Variants in KCNK17 observed in about 807,000 individuals in gnomAD.
KCNK17 encodes potassium channel subfamily K member 17.
Under a neutral mutation model 24.6 loss-of-function variants are expected in KCNK17, and 27 were observed. That is an observed-to-expected ratio of 1.10 (90% confidence interval 0.81 to 1.51). The LOEUF (loss-of-function observed/expected upper bound fraction) is 1.51, where lower values mean the gene tolerates loss of function less well. Among genes scored for constraint, KCNK17 ranks in the 40% most tolerant of loss-of-function variants. The pLI, the probability that KCNK17 is intolerant of heterozygous loss-of-function variation, is 0.00. For synonymous variants in KCNK17, 181 were observed against 189.8 expected, an observed-to-expected ratio of 0.95 and a Z score of 0.38; for missense variants, 450 against 436.6, an observed-to-expected ratio of 1.03 and a Z score of -0.27.
intron 2 of KCNK17, among the ~76,000 whole-genome samples, chr6:39,306,882 A>G (rs527284375): frequency 6.7e-6 from 1 of 149,932 alleles, no homozygotes; most frequent in African/African-American, 2.5e-5. Flanking sequence ...ATCCTGCCTC[A>G]GCCTCCCGAG....
At chr6:39,310,658 A>G (rs1447624169) in intron 2 of KCNK17, among the ~76,000 whole-genome samples, 2 of 152,124 alleles carry the variant, frequency 1.3e-5, no homozygotes, top group African/African-American at 4.8e-5. Context: ...GTGCTTGTCA[A>G]ACTCGAACAG....
At chr6:39,309,923 G>A (rs960413458) in intron 2 of KCNK17, among the ~76,000 whole-genome samples, 1 of 152,182 alleles carries the variant, frequency 6.6e-6, no homozygotes, top group African/African-American at 2.4e-5. Flanking sequence ...CTCAAGGATT[G>A]CCCAAGCTCC....
In KCNK17 at chr6:39,311,113, CACACACAA is replaced by C. The variant is rs1192824486; in HGVS notation, c.238-114_238-107del. Reference sequence around the variant, plus strand: ...ACACACACACACACACACACACACACACACACAAACAAACCTACACACACAGCCCTCAC... The same window carrying C: ...ACACACACACACACACACACACACACACAAACCTACACACACAGCCCTCAC... On this transcript the variant is annotated intron_variant, in intron 1 of 4. Coordinates refer to ENST00000373231, the MANE Select transcript of KCNK17 (RefSeq NM_031460.4). The C allele has an allele frequency of 4.4e-3, 2,389 of 542,334 alleles. 57 individuals are homozygous for C. In the African/African-American group the frequency reaches 0.052, roughly 12 times the overall value. 33.6% of individuals were successfully genotyped at this position (542,334 alleles called of 1,614,324 possible).
chr6:39,314,021 C>T (rs1213496451), intron 1 of KCNK17, 63 bp downstream of exon 1: 2 of 1,311,622 alleles, frequency 1.5e-6, no homozygotes, highest in East Asian at 2.7e-5. Flanking sequence ...GCCCTCGGCC[C>T]GTACACCCCG....
intron 4 of KCNK17, among the ~76,000 whole-genome samples, chr6:39,301,716 G>A (rs1315497301): frequency 6.6e-6 from 1 of 152,272 alleles, no homozygotes; most frequent in Non-Finnish European, 1.5e-5. Context: ...GGAGGCGCCA[G>A]GCTATGGGGC....
Position 39,314,305 on chromosome 6 carries a change from C to G in KCNK17, c.16G>C (p.Ala6Pro). 1 of 1,459,696 alleles carries G rather than the reference C, an allele frequency of 6.9e-7. No homozygotes were observed. The highest frequency in any genetic ancestry group is 9.0e-7 in the Non-Finnish European group (1 of 1,109,818). 90.4% of individuals were successfully genotyped at this position (1,459,696 alleles called of 1,614,324 possible). Reference sequence around the variant, plus strand: ...ACCCTGCCCTCGGGAGCCGCCCGGGCTCGCGGTCGGTACATAGCGGGAGAG... The same window carrying G: ...ACCCTGCCCTCGGGAGCCGCCCGGGGTCGCGGTCGGTACATAGCGGGAGAG... MYRPR[A>P]RAAPEGRVRG... is the part of the protein sequence containing the mutation. The change falls in exon 1 of 5, where the codon GCC becomes CCC. Residue 6 changes from alanine to proline, a missense_variant. Physicochemically the swap from Ala to Pro is conservative, Grantham distance 27. Coordinates refer to ENST00000373231, the MANE Select transcript of KCNK17 (RefSeq NM_031460.4).
rs891950807 is a variant in KCNK17, at chr6:39,314,397, C to T, written c.-77G>A. 5.6e-6 allele frequency: 6 copies of T among 1,067,104 alleles called. No homozygotes were observed. Among genetic ancestry groups the T allele is most frequent in the Non-Finnish European group, 5.1e-6 (4 of 785,738 alleles). 66.1% of individuals were successfully genotyped at this position (1,067,104 alleles called of 1,614,324 possible). On this transcript the variant is annotated 5_prime_UTR_variant, in exon 1 of 5. Coordinates refer to ENST00000373231, the MANE Select transcript of KCNK17 (RefSeq NM_031460.4). ...GGAGGGAAGGGCCAGGCGTCCAGCT[C>T]GTATCTCCTCTCGCAAACGCCTGCT...
intron 4 of KCNK17, among the ~76,000 whole-genome samples, chr6:39,303,647 G>A (rs1761981247): frequency 6.6e-6 from 1 of 152,186 alleles, no homozygotes; most frequent in Non-Finnish European, 1.5e-5. Flanking sequence ...GGGAGAGAGT[G>A]AAGTGGGGAA....
Position 39,311,117 on chromosome 6 carries a change from C to T in KCNK17, c.238-110G>A, listed in dbSNP as rs540381677. The T allele has an allele frequency of 5.8e-5, 31 of 534,946 alleles. 1 individual carries two copies. The South Asian group carries it at 6.9e-4, about 12-fold the overall frequency. The allele number at this position is 534,946 out of a possible 1,614,324, so 33.1% of individuals were successfully genotyped here. On this transcript the variant is annotated intron_variant, in intron 1 of 4. Coordinates refer to ENST00000373231, the MANE Select transcript of KCNK17 (RefSeq NM_031460.4). ...ACACACACACACACACACACACACA[C>T]ACAAACAAACCTACACACACAGCCC...
intron 1 of KCNK17, among the ~76,000 whole-genome samples, chr6:39,311,568 T>C (rs150282196): frequency 2.0e-4 from 30 of 152,368 alleles, no homozygotes; most frequent in African/African-American, 6.7e-4. Flanking sequence ...AAATAGTACC[T>C]ACTTCATAGA....
intron 4 of KCNK17, among the ~76,000 whole-genome samples, chr6:39,303,137 C>T (rs1448889714): frequency 6.6e-6 from 1 of 152,214 alleles, no homozygotes; most frequent in Non-Finnish European, 1.5e-5. Context: ...GAGGAGTTAG[C>T]TGAAACTAAC....
intron 4 of KCNK17, among the ~76,000 whole-genome samples, chr6:39,303,063 C>A (rs557272672): frequency 6.2e-4 from 94 of 152,324 alleles, no homozygotes; most frequent in Middle Eastern, 6.8e-3. Flanking sequence ...GATGGCTCAG[C>A]CTCTCTGAGC....
intron 4 of KCNK17, among the ~76,000 whole-genome samples, chr6:39,302,684 T>G (rs1029823450): frequency 6.6e-6 from 1 of 152,070 alleles, no homozygotes; most frequent in African/African-American, 2.4e-5. Context: ...GCTGCGAGGG[T>G]GCAGGTATGG....
chr6:39,312,029 C>T (rs1762149333), intron 1 of KCNK17, among the ~76,000 whole-genome samples: 1 of 152,162 alleles, frequency 6.6e-6, no homozygotes, highest in Admixed American at 6.5e-5. Flanking sequence ...AGGGGAGAGA[C>T]TCCTGCAGAA....
chr6:39,303,274 G>T (rs190333641), intron 4 of KCNK17, among the ~76,000 whole-genome samples: 101 of 152,328 alleles, frequency 6.6e-4, no homozygotes, highest in African/African-American at 2.2e-3. Flanking sequence ...AGTGGTGCCA[G>T]CGGCACCTTC....
At chr6:39,301,079 G>C (rs1230559141) in intron 4 of KCNK17, among the ~76,000 whole-genome samples, 1 of 152,206 alleles carries the variant, frequency 6.6e-6, no homozygotes, top group East Asian at 1.9e-4. Flanking sequence ...AGATCTATAG[G>C]TGGTTGCTTG....
Position 39,301,538 on chromosome 6 carries a change from C to T in KCNK17, c.689-1801G>A, listed in dbSNP as rs144269589. The stretch of plus-strand genomic sequence containing the variant: ...GCTGATGGTCCTAAATGAGATCAGG[C>T]ACTGAGCCGGCTCTCTGGCCCTGCC... On this transcript the variant is annotated intron_variant, in intron 4 of 4. Transcript: ENST00000373231. Among the ~76,000 whole-genome samples, 160 of 152,384 alleles carry T rather than the reference C, an allele frequency of 1.0e-3. 1 individual carries two copies. In the East Asian group the frequency reaches 0.028, roughly 27 times the overall value.
In KCNK17 at chr6:39,314,312, T is replaced by C; in HGVS notation, c.9A>G (p.Arg3=). The stretch of plus-strand genomic sequence containing the variant: ...CCTCGGGAGCCGCCCGGGCTCGCGG[T>C]CGGTACATAGCGGGAGAGGCGGGGA... MY[R]PRARAAPEGR... Residue 3 remains arginine (R), a synonymous_variant, in exon 1 of 5, where the codon CGA becomes CGG. Transcript: ENST00000373231. 1 of 1,457,340 alleles carries C rather than the reference T, an allele frequency of 6.9e-7. No homozygotes were observed. The highest frequency in any genetic ancestry group is 9.0e-7 in the Non-Finnish European group (1 of 1,108,892). 90.3% of individuals were successfully genotyped at this position (1,457,340 alleles called of 1,614,324 possible).
chr6:39,314,219 C>G lies in KCNK17; in HGVS notation c.102G>C (p.Ala34=). The change falls in exon 1 of 5, where the codon GCG becomes GCC. Residue 34 remains alanine (A), a synonymous_variant. Transcript: ENST00000373231. The part of the protein sequence containing the change: ...LLLLAYLAYL[A]LGTGVFWTLE... ...GCGTCCAGAACACGCCGGTGCCCAG[C>G]GCCAGGTAAGCCAGGTAGGCGAGCA... is the stretch of plus-strand genomic sequence containing the variant. 1 of 1,542,174 alleles carries G rather than the reference C, an allele frequency of 6.5e-7. No individual in the cohort carries two copies. Among genetic ancestry groups the G allele is most frequent in the Admixed American group, 1.9e-5 (1 of 51,380 alleles).
Sources: gnomAD v4.1 joint callset for allele counts (sites outside exome capture counted in the v4.1 genomes callset) on GRCh38, gnomAD v4.1.1 for gene constraint, MANE v1.5 for transcripts, NCBI Gene and HGNC (gene_info 2026-07-23, HGNC 2026-07-21) for gene names.